NAV2: variants seen among roughly 807,000 people sequenced by gnomAD.
NAV2 encodes neuron navigator 2.
A neutral mutation model predicts 223.2 loss-of-function variants in NAV2; 54 were observed. That is an observed-to-expected ratio of 0.24 (90% confidence interval 0.19 to 0.30). The LOEUF (loss-of-function observed/expected upper bound fraction) is 0.30. Among genes scored for constraint, NAV2 ranks in the 10% least tolerant of loss-of-function variants. The pLI, the probability that NAV2 is intolerant of heterozygous loss-of-function variation, is 1.00. For synonymous variants in NAV2, 1,279 were observed against 1,239.3 expected (o/e 1.03, Z -0.67); for missense variants, 2,806 against 3,147.5 (o/e 0.89, Z 2.60).
intron 12 of NAV2, among the ~76,000 whole-genome samples, chr11:20,041,021 G>C (rs554704722): frequency 6.6e-6 from 1 of 152,178 alleles, no homozygotes; most frequent in African/African-American, 2.4e-5. Context: ...CACATTCCCA[G>C]GCCAGGGGCA....
chr11:19,933,861 T>C lies in NAV2; in HGVS notation c.1617T>C (p.Ile539=), dbSNP rs142436930. 4.3e-3 allele frequency: 6,820 copies of C among 1,604,386 alleles called. 251 individuals carry two copies. In the South Asian group the frequency reaches 0.062, roughly 15 times the overall value. ...AGATGCCAAAAAAGTCCTCCAAGAT[T>C]GCCAGCTTCATCCCCAAAGGGGGGA... is the stretch of plus-strand genomic sequence containing the variant. ...VPEMPKKSSK[I]ASFIPKGGKL... The change falls in exon 7 of 38, where the codon ATT becomes ATC. Residue 539 remains isoleucine, a synonymous_variant. Transcript: ENST00000349880. The surrounding 1 kb of genome is among the most constrained non-coding windows in gnomAD (Gnocchi z 4.3).
intron 1 of NAV2, among the ~76,000 whole-genome samples, chr11:19,773,192 G>A (rs1401176571): frequency 5.3e-5 from 8 of 152,212 alleles, no homozygotes; most frequent in Non-Finnish European, 2.9e-5. Context: ...AGCTGGGCAG[G>A]TGCTGAAAAT....
intron 1 of NAV2, among the ~76,000 whole-genome samples, chr11:19,671,323 G>A (rs938948206): frequency 7.2e-5 from 11 of 152,068 alleles, no homozygotes; most frequent in Non-Finnish European, 1.2e-4. Context: ...TTAGGTTATC[G>A]GCTTCTTTAC....
At chr11:19,923,091 T>C (rs2044420685) in intron 6 of NAV2, among the ~76,000 whole-genome samples, 1 of 152,214 alleles carries the variant, frequency 6.6e-6, no homozygotes, top group South Asian at 2.1e-4. Flanking sequence ...CACATTTTAC[T>C]AGATTATAAC....
At chr11:19,552,769 A>T (rs2044731287) in intron 1 of NAV2, among the ~76,000 whole-genome samples, 1 of 151,734 alleles carries the variant, frequency 6.6e-6, no homozygotes, top group Non-Finnish European at 1.5e-5. Context: ...TGCTGTGAGG[A>T]TTTTCTGCCT....
chr11:19,540,010 T>C (rs187085322), intron 1 of NAV2, among the ~76,000 whole-genome samples: 1 of 152,338 alleles, frequency 6.6e-6, no homozygotes, highest in East Asian at 1.9e-4. Context: ...CCTGCTTTAC[T>C]GGAGACAATA....
At chr11:19,850,716 G>GT (rs1370821414) in intron 3 of NAV2, among the ~76,000 whole-genome samples, 2 of 152,152 alleles carry the variant, frequency 1.3e-5, no homozygotes, top group African/African-American at 2.4e-5. Context: ...AGTTTATTGA[G>GT]TTTTTTGTGT....
At chr11:19,745,776 A>T (rs1322593171) in intron 1 of NAV2, among the ~76,000 whole-genome samples, 2 of 152,078 alleles carry the variant, frequency 1.3e-5, no homozygotes, top group African/African-American at 4.8e-5. Context: ...CTCCTGTGAG[A>T]ATCTAATGCC....
At chr11:19,589,429 A>C (rs1298265764) in intron 1 of NAV2, among the ~76,000 whole-genome samples, 1 of 152,162 alleles carries the variant, frequency 6.6e-6, no homozygotes, top group East Asian at 1.9e-4. Flanking sequence ...GTGCTGGGGA[A>C]GGTGTGGTTG....
intron 1 of NAV2, among the ~76,000 whole-genome samples, chr11:19,355,655 A>G (rs1294351949): frequency 6.6e-6 from 1 of 152,222 alleles, no homozygotes; most frequent in Non-Finnish European, 1.5e-5. Flanking sequence ...TTTAAGGTCC[A>G]GGAATTCTTG....
At chr11:19,984,092 A>G (rs1027938549) in intron 10 of NAV2, 33 bp from the exon 11 acceptor site, 2 of 1,613,738 alleles carry the variant, frequency 1.2e-6, no homozygotes, top group Non-Finnish European at 8.5e-7. Flanking sequence ...TGCTTTGGAC[A>G]TTCATGTGCA....
chr11:19,642,552 T>C (rs1410399310), intron 1 of NAV2, among the ~76,000 whole-genome samples: 1 of 152,188 alleles, frequency 6.6e-6, no homozygotes, highest in Admixed American at 6.5e-5. Context: ...ATCATCCGCT[T>C]TGACTTCTTC....
At position 20,068,243 on chromosome 11, in the gene NAV2, T is replaced by A. The variant is rs1313777188; in HGVS notation, c.4908+34T>A. 1.9e-6 allele frequency: 3 copies of A among 1,613,026 alleles called. No individual in the cohort carries two copies. In the African/African-American group the frequency reaches 4.0e-5, roughly 21 times the overall value. ...CAGCTTTCTGGTTGGATTTCCTCTT[T>A]AAGTATTGTCAATTATTTGACCCTG... On this transcript the variant is annotated intron_variant, in intron 21 of 37. Coordinates refer to ENST00000349880, the MANE Select transcript of NAV2 (RefSeq NM_145117.5).
intron 1 of NAV2, among the ~76,000 whole-genome samples, chr11:19,551,740 G>GA (rs35715829): frequency 0.59 from 89,498 of 152,098 alleles, 30,192 homozygotes; most frequent in Middle Eastern, 0.78. Context: ...AGTGGTGGGG[G>GA]AAAAAATGGT....
chr11:19,935,030 C>T (rs2045721603), intron 7 of NAV2, among the ~76,000 whole-genome samples: 1 of 152,164 alleles, frequency 6.6e-6, no homozygotes, highest in African/African-American at 2.4e-5. Context: ...GCTCATTGCT[C>T]AGGCTACACC....
At chr11:19,396,129 T>C (rs1193876708) in intron 1 of NAV2, among the ~76,000 whole-genome samples, 3 of 152,190 alleles carry the variant, frequency 2.0e-5, no homozygotes, top group African/African-American at 7.2e-5. Context: ...TAAATGATGA[T>C]GGTTGTTGTG....
At chr11:19,936,415 T>C (rs2045911033) in intron 7 of NAV2, among the ~76,000 whole-genome samples, 1 of 152,172 alleles carries the variant, frequency 6.6e-6, no homozygotes, top group African/African-American at 2.4e-5. Flanking sequence ...AGCTTTTCTA[T>C]CAGAAGAAAA....
intron 36 of NAV2, among the ~76,000 whole-genome samples, chr11:20,108,023 T>C (rs997659462): frequency 6.6e-6 from 1 of 152,204 alleles, no homozygotes; most frequent in Non-Finnish European, 1.5e-5. Flanking sequence ...AGAGCCCTCA[T>C]TGATATTCTG....
intron 1 of NAV2, among the ~76,000 whole-genome samples, chr11:19,445,833 A>T (rs1432037757): frequency 6.6e-6 from 1 of 151,886 alleles, no homozygotes; most frequent in Non-Finnish European, 1.5e-5. Context: ...TTAGGCTCTA[A>T]ACAGAGCAAC....
Sources: allele counts gnomAD v4.1 joint callset (sites outside exome capture counted in the v4.1 genomes callset), GRCh38; gene constraint gnomAD v4.1.1; non-coding constraint Gnocchi (gnomAD v3.1); transcripts MANE v1.5; gene names NCBI Gene and HGNC (gene_info 2026-07-23, HGNC 2026-07-21).